The following PHYHIP variants were observed in gnomAD, a reference collection of about 807,000 sequenced individuals.
PHYHIP encodes phytanoyl-CoA 2-hydroxylase interacting protein, also known as phytanoyl-CoA hydroxylase-interacting protein.
Under a neutral mutation model 26.1 loss-of-function variants are expected in PHYHIP, and 7 were observed. That is an observed-to-expected ratio of 0.27 (90% CI 0.15 to 0.50). The LOEUF is 0.50. PHYHIP is among the 20% of genes least tolerant of loss of function. The pLI is 0.98. For synonymous variants in PHYHIP, 206 were observed against 183.4 expected (o/e 1.12, Z -1.00); for missense variants, 232 against 454.7 (o/e 0.51, Z 4.45).
rs995514367 is a variant in PHYHIP, at chr8:22,221,856, G to A, written c.490C>T (p.Leu164=). 3 of 1,555,234 alleles carry A rather than the reference G, an allele frequency of 1.9e-6. No individual in the cohort carries two copies. The highest frequency in any genetic ancestry group is 2.6e-6 in the Non-Finnish European group (3 of 1,148,604). Residue 164 remains leucine, a synonymous_variant, in exon 5 of 5, where the codon CTG becomes TTG. Coordinates refer to ENST00000454243, the MANE Select transcript of PHYHIP (RefSeq NM_014759.5). This position sits in a 1 kb window ranked among gnomAD's most constrained non-coding sequence, Gnocchi z 7.9. ...CCGTGGCTGCCACTGTTGTCCTTCAGGTAAGGCTGCAGCATGTTCCCGCAG... is the reference window on the plus strand; with the variant it reads ...CCGTGGCTGCCACTGTTGTCCTTCAAGTAAGGCTGCAGCATGTTCCCGCAG... ...THCGNMLQPY[L]KDNSGSHGSP...
Position 22,221,702 on chromosome 8 carries a change from T to C in PHYHIP, c.644A>G (p.Asn215Ser), listed in dbSNP as rs1486050105. 1.2e-6 allele frequency: 2 copies of C among 1,613,012 alleles called. No homozygotes were observed. Among genetic ancestry groups the C allele is most frequent in the Non-Finnish European group, 1.7e-6 (2 of 1,179,724 alleles). The change falls in exon 5 of 5, where the codon AAT becomes AGT. Residue 215 changes from asparagine to serine, a missense_variant. Transcript: ENST00000454243. This position sits in a 1 kb window ranked among gnomAD's most constrained non-coding sequence, Gnocchi z 7.9. ...RFQIPAQRLF[N>S]PSTNLYFADF... is the part of the protein sequence containing the mutation. ...CGCAAAGTAGAGGTTGGTGCTGGGATTGAAGAGGCGCTGAGCTGGGATCTG... is the reference window on the plus strand; with the variant it reads ...CGCAAAGTAGAGGTTGGTGCTGGGACTGAAGAGGCGCTGAGCTGGGATCTG...
chr8:22,227,463 C>T (rs990737201), intron 2 of PHYHIP, among the ~76,000 whole-genome samples: 1 of 152,148 alleles, frequency 6.6e-6, no homozygotes, highest in South Asian at 2.1e-4. Context: ...ACTGGCCTGC[C>T]AAAAGACACC....
chr8:22,222,738 C>G (rs1829656083), intron 4 of PHYHIP, among the ~76,000 whole-genome samples: 1 of 152,220 alleles, frequency 6.6e-6, no homozygotes, highest in Admixed American at 6.5e-5. Flanking sequence ...CTCTCCCACT[C>G]TCGCTGATAA....
Position 22,221,517 on chromosome 8 carries a change from G to C in PHYHIP, c.829C>G (p.Arg277Gly). The C allele has an allele frequency of 6.2e-7, 1 of 1,614,104 alleles. No homozygotes were observed. The change falls in exon 5 of 5, where the codon CGC (arginine) becomes GGC (glycine). Residue 277 changes from arginine (R) to glycine (G), a missense_variant. Arg to Gly is a moderately radical substitution (Grantham distance 125). Transcript: ENST00000454243. The surrounding 1 kb of genome is among the most constrained non-coding windows in gnomAD (Gnocchi z 7.9). ...TCCAGGATGAGGTCCTGGGCGTGGC[G>C]GAAGACCAGCTCCCCATCCTCCACG... ...CSVEDGELVF[R>G]HAQDLILEII...
intron 3 of PHYHIP, among the ~76,000 whole-genome samples, chr8:22,226,033 G>A (rs1829737557): frequency 6.6e-6 from 1 of 152,138 alleles, no homozygotes; most frequent in Non-Finnish European, 1.5e-5. Context: ...CAGACCCTGA[G>A]TCGTGAGGGA....
Position 22,221,339 on chromosome 8 carries a change from C to T in PHYHIP, c.*14G>A, listed in dbSNP as rs1829619185. The T allele has an allele frequency of 1.3e-6, 2 of 1,542,062 alleles. No homozygotes were observed. The highest frequency in any genetic ancestry group is 1.2e-5 in the South Asian group (1 of 80,836). On this transcript the variant is annotated 3_prime_UTR_variant, in exon 5 of 5. Coordinates refer to ENST00000454243, the MANE Select transcript of PHYHIP (RefSeq NM_014759.5). The surrounding 1 kb of genome is among the most constrained non-coding windows in gnomAD (Gnocchi z 7.9). ...CGCTCATCTCTCCCTCGCCCCCCAG[C>T]TCCCCAGGAGTCCCTAGCGGCCCAC... is the stretch of plus-strand genomic sequence containing the variant.
intron 1 of PHYHIP, among the ~76,000 whole-genome samples, chr8:22,231,500 C>T (rs1429580512): frequency 6.6e-6 from 1 of 152,250 alleles, no homozygotes; most frequent in African/African-American, 2.4e-5. Context: ...GCCCCTTCCC[C>T]ATGCCCATTC....
rs1276128932 is a variant in PHYHIP at position 22,219,985 on chromosome 8, C to T, written c.*1368G>A. 1.3e-5 allele frequency: 2 copies of T among 152,434 alleles called. No homozygotes were observed. The highest frequency in any genetic ancestry group is 4.1e-4 in the South Asian group (2 of 4,838). 9.4% of individuals were successfully genotyped at this position (152,434 alleles called of 1,614,324 possible). ...GCTACAGATAGGTGACCGTTGTCCA[C>T]CTGTCCCTCACCGAGGTATGGCCTT... is the stretch of plus-strand genomic sequence containing the variant. On this transcript the variant is annotated 3_prime_UTR_variant, in exon 5 of 5. Coordinates refer to ENST00000454243, the MANE Select transcript of PHYHIP (RefSeq NM_014759.5).
chr8:22,226,099 G>T (rs1829739446), intron 3 of PHYHIP, among the ~76,000 whole-genome samples: 1 of 152,184 alleles, frequency 6.6e-6, no homozygotes, highest in Non-Finnish European at 1.5e-5. Context: ...GTTAAGTTCT[G>T]CTAAGAGAGT....
At chr8:22,231,024 C>G (rs1439741461) in intron 1 of PHYHIP, among the ~76,000 whole-genome samples, 3 of 152,190 alleles carry the variant, frequency 2.0e-5, no homozygotes, top group Non-Finnish European at 2.9e-5. Context: ...TATTCTCTCT[C>G]GAATCATCTC....
intron 1 of PHYHIP, 40 bp from the exon 2 acceptor site, chr8:22,228,426 G>C: frequency 1.6e-6 from 2 of 1,281,018 alleles, no homozygotes; most frequent in Non-Finnish European, 1.1e-6. Flanking sequence ...CCTTGACCCC[G>C]GCGAGCTTTC....
At chr8:22,229,156 A>G (rs1361999844) in intron 1 of PHYHIP, among the ~76,000 whole-genome samples, 2 of 152,102 alleles carry the variant, frequency 1.3e-5, no homozygotes, top group Non-Finnish European at 2.9e-5. Flanking sequence ...ACACACTATC[A>G]TTATCTCCAT....
In PHYHIP at chr8:22,221,473, G is replaced by C; in HGVS notation, c.873C>G (p.Pro291=). 1 of 1,614,150 alleles carries C rather than the reference G, an allele frequency of 6.2e-7. No homozygotes were observed. Among genetic ancestry groups the C allele is most frequent in the Non-Finnish European group, 8.5e-7 (1 of 1,180,004 alleles). The change falls in exon 5 of 5, where the codon CCC becomes CCG. Residue 291 remains proline, a synonymous_variant. Coordinates refer to ENST00000454243, the MANE Select transcript of PHYHIP (RefSeq NM_014759.5). The surrounding 1 kb of genome is among the most constrained non-coding windows in gnomAD (Gnocchi z 7.9). ...CCAGGGTGCCCAGGGACAGGTCGAC[G>C]GGCTCAGTGTAGATGATCTCCAGGA... ...DLILEIIYTE[P]VDLSLGTLGE...
intron 1 of PHYHIP, among the ~76,000 whole-genome samples, chr8:22,229,544 T>C (rs1829826748): frequency 6.6e-6 from 1 of 152,166 alleles, no homozygotes; most frequent in African/African-American, 2.4e-5. Context: ...CTGGCTGGCC[T>C]AGCTCCGGGA....
intron 4 of PHYHIP, 143 bp from the exon 5 acceptor site, chr8:22,222,030 A>G: frequency 1.5e-6 from 1 of 658,416 alleles, no homozygotes; most frequent in Non-Finnish European, 2.6e-6. Flanking sequence ...ACTAGTCGCA[A>G]ATAGAACATT....
At chr8:22,230,840 C>T (rs1340675313) in intron 1 of PHYHIP, among the ~76,000 whole-genome samples, 1 of 152,174 alleles carries the variant, frequency 6.6e-6, no homozygotes, top group Non-Finnish European at 1.5e-5. Flanking sequence ...TGTCCACAGG[C>T]TCACGCACAC....
chr8:22,222,165 C>T (rs185804587), intron 4 of PHYHIP, among the ~76,000 whole-genome samples: 1 of 152,062 alleles, frequency 6.6e-6, no homozygotes. Flanking sequence ...GTGAAAAACA[C>T]GGCGGCTCAT....
In PHYHIP at chr8:22,228,363, C is replaced by G. The variant is rs777000731; in HGVS notation, c.-6G>C. The G allele has an allele frequency of 3.2e-6, 5 of 1,581,280 alleles. No individual in the cohort carries two copies. The South Asian group carries it at 4.6e-5, about 15-fold the overall frequency. Reference sequence around the variant, plus strand: ...GGCGTGGACAGCAGCTCCATGCTCCCGTCAGGGTTGTCTCCTGTGGGGACT... The same window carrying G: ...GGCGTGGACAGCAGCTCCATGCTCCGGTCAGGGTTGTCTCCTGTGGGGACT... On this transcript the variant is annotated 5_prime_UTR_variant, in exon 2 of 5. Transcript: ENST00000454243.
intron 1 of PHYHIP, among the ~76,000 whole-genome samples, chr8:22,231,283 G>T (rs1362087389): frequency 6.6e-6 from 1 of 151,738 alleles, no homozygotes; most frequent in African/African-American, 2.4e-5. Context: ...GCCTCATAGT[G>T]TCCCCACCCA....
Sources: gnomAD v4.1 joint callset for allele counts (sites outside exome capture counted in the v4.1 genomes callset) on GRCh38, gnomAD v4.1.1 for gene constraint, Gnocchi (gnomAD v3.1) non-coding constraint, MANE v1.5 for transcripts, NCBI Gene and HGNC (gene_info 2026-07-23, HGNC 2026-07-21) for gene names.